The following IMPA2 variants were observed in gnomAD, a reference collection of about 807,000 sequenced individuals.
IMPA2 encodes inositol monophosphatase 2.
In IMPA2, 32 loss-of-function variants were observed where a neutral mutation model predicts 35.1. The ratio of observed to expected loss-of-function variants is 0.91; its 90% confidence interval spans 0.69 to 1.23. The LOEUF (loss-of-function observed/expected upper bound fraction) is 1.23, where lower values mean the gene tolerates loss of function less well. Ranked by LOEUF, IMPA2 falls within the 50% of genes most tolerant of loss-of-function variation. IMPA2 has a pLI of 0.00. For synonymous variants in IMPA2, 135 were observed against 160.6 expected (o/e 0.84, Z 1.20); for missense variants, 334 against 387.6 (o/e 0.86, Z 1.16).
Position 11,999,187 on chromosome 18 carries a change from G to A in IMPA2, c.230G>A (p.Arg77Lys), listed in dbSNP as rs199839687. The A allele has an allele frequency of 3.0e-4, 482 of 1,613,124 alleles. 7 individuals carry two copies. The South Asian group carries it at 4.9e-3, about 16-fold the overall frequency. The change falls in exon 2 of 8, where the codon AGG becomes AAG. Residue 77 changes from arginine to lysine, a missense_variant and splice_region_variant. By Grantham distance (26) the Arg-to-Lys change is conservative (BLOSUM62 2). Coordinates refer to ENST00000269159, the MANE Select transcript of IMPA2 (RefSeq NM_014214.3). Reference protein sequence around the residue: ...SELRERFPSHRFIAEEAAASG... With the variant: ...SELRERFPSHKFIAEEAAASG... ...TTGCGAGAGAGGTTTCCTTCACACA[G>A]GTAGGTGTACTCCTCTGGGAAACAC...
intron 5 of IMPA2, among the ~76,000 whole-genome samples, chr18:12,022,499 C>G: frequency 8.1e-6 from 1 of 123,888 alleles, no homozygotes; most frequent in South Asian, 2.7e-4. Context: ...CTCCAGCCTG[C>G]TGACAGAATG....
At chr18:12,002,375 A>G (rs1236129891) in intron 2 of IMPA2, among the ~76,000 whole-genome samples, 3 of 152,214 alleles carry the variant, frequency 2.0e-5, no homozygotes, top group Admixed American at 6.5e-5. Flanking sequence ...AACCTGATAC[A>G]GGCTCCCCAG....
At chr18:12,004,905 C>T (rs1008800204) in intron 2 of IMPA2, among the ~76,000 whole-genome samples, 2 of 152,172 alleles carry the variant, frequency 1.3e-5, no homozygotes, top group Non-Finnish European at 2.9e-5. Context: ...ACAGTCATGT[C>T]TGCAGAGCAG....
At chr18:12,020,662 A>T (rs974248447) in intron 5 of IMPA2, among the ~76,000 whole-genome samples, 11 of 149,558 alleles carry the variant, frequency 7.4e-5, no homozygotes, top group African/African-American at 2.3e-4. Flanking sequence ...TATCTTATTT[A>T]AAAAAGTTTC....
chr18:12,030,265 T>C (rs1188093021), intron 7 of IMPA2, 78 bp from the exon 8 acceptor site: 3 of 1,027,678 alleles, frequency 2.9e-6, no homozygotes, highest in Admixed American at 1.9e-5. Context: ...GCTGTGTGCA[T>C]GTGGGATAAG....
chr18:11,984,470 T>G (rs1365782231), intron 1 of IMPA2, among the ~76,000 whole-genome samples: 1 of 152,242 alleles, frequency 6.6e-6, no homozygotes, highest in African/African-American at 2.4e-5. Flanking sequence ...AGCTCTGCCT[T>G]TCAAATCCCC....
intron 2 of IMPA2, among the ~76,000 whole-genome samples, chr18:12,004,133 G>A (rs1907190543): frequency 6.6e-6 from 1 of 152,216 alleles, no homozygotes; most frequent in Non-Finnish European, 1.5e-5. Flanking sequence ...ACCACCAGCT[G>A]AACATTGACA....
chr18:11,998,154 G>C (rs1907012330), intron 1 of IMPA2, among the ~76,000 whole-genome samples: 1 of 152,176 alleles, frequency 6.6e-6, no homozygotes, highest in Non-Finnish European at 1.5e-5. Context: ...GTGACAGAGA[G>C]ACCCAGTCTG....
chr18:12,012,295 G>A (rs759954966), intron 4 of IMPA2, 80 bp downstream of exon 4: 1 of 1,231,506 alleles, frequency 8.1e-7, no homozygotes, highest in Non-Finnish European at 1.2e-6. Flanking sequence ...CAGCCTCTGT[G>A]CGCCTGGTTT....
At chr18:12,016,720 A>G (rs1373916256) in intron 5 of IMPA2, among the ~76,000 whole-genome samples, 1 of 152,128 alleles carries the variant, frequency 6.6e-6, no homozygotes, top group Non-Finnish European at 1.5e-5. Context: ...CACCTGGCCG[A>G]TTCTGCCACT....
chr18:11,986,658 G>A (rs967115348), intron 1 of IMPA2, among the ~76,000 whole-genome samples: 3 of 152,242 alleles, frequency 2.0e-5, no homozygotes, highest in South Asian at 2.1e-4. Context: ...AATGAGTGAC[G>A]TAACACTGAA....
chr18:11,995,662 G>C (rs633140), intron 1 of IMPA2, among the ~76,000 whole-genome samples: 1 of 152,162 alleles, frequency 6.6e-6, no homozygotes, highest in South Asian at 2.1e-4. Context: ...TGGCTGTGCC[G>C]GGAGAGTGGG....
At chr18:11,990,320 G>C (rs1255919223) in intron 1 of IMPA2, among the ~76,000 whole-genome samples, 3 of 151,946 alleles carry the variant, frequency 2.0e-5, no homozygotes, top group Non-Finnish European at 4.4e-5. Context: ...GATGTGGACA[G>C]CTTCCTGGAA....
At chr18:12,000,450 C>A (rs1211954966) in intron 2 of IMPA2, among the ~76,000 whole-genome samples, 1 of 147,970 alleles carries the variant, frequency 6.8e-6, no homozygotes, top group Admixed American at 6.8e-5. Flanking sequence ...TAGGTTATCT[C>A]AAGGTTACCA....
At chr18:11,986,640 G>A (rs1055657740) in intron 1 of IMPA2, among the ~76,000 whole-genome samples, 10 of 152,160 alleles carry the variant, frequency 6.6e-5, no homozygotes, top group African/African-American at 2.2e-4. Context: ...TATTCACACC[G>A]GGAATTTAAT....
At chr18:12,020,311 A>T (rs1347295980) in intron 5 of IMPA2, among the ~76,000 whole-genome samples, 1 of 152,022 alleles carries the variant, frequency 6.6e-6, no homozygotes, top group East Asian at 1.9e-4. Flanking sequence ...CTCCTGCTTC[A>T]GCCTCCCAAG....
intron 2 of IMPA2, among the ~76,000 whole-genome samples, chr18:12,007,724 TTCTC>T (rs145382692): frequency 0.077 from 11,350 of 147,022 alleles, 676 homozygotes; most frequent in Admixed American, 0.17. Context: ...CCTTCTTTAT[TTCTC>T]TCTCTCTCCT....
At chr18:12,027,566 G>GTTTTTT (rs1907914840) in intron 5 of IMPA2, among the ~76,000 whole-genome samples, 1 of 48,744 alleles carries the variant, frequency 2.1e-5, no homozygotes. Context: ...GAATGATGGT[G>GTTTTTT]ATTTTTTTTT....
Position 11,991,627 on chromosome 18 carries a change from A to G in IMPA2, c.97-7427A>G, listed in dbSNP as rs1906815314. 6.6e-6 allele frequency among the ~76,000 whole-genome samples: 1 copy of G among 151,996 alleles called. No homozygotes were observed. The highest frequency in any genetic ancestry group is 2.4e-5 in the African/African-American group (1 of 41,362). The stretch of plus-strand genomic sequence containing the variant: ...GGCTGGCAGCTGGAGACGCGGAGAG[A>G]CAGCTGATGTTCCAGTTTGAAGGCC... On this transcript the variant is annotated intron_variant, in intron 1 of 7. Coordinates refer to ENST00000269159, the MANE Select transcript of IMPA2 (RefSeq NM_014214.3). The surrounding 1 kb of genome is among the most constrained non-coding windows in gnomAD (Gnocchi z 4.1).
Sources: gnomAD v4.1 joint callset for allele counts (sites outside exome capture counted in the v4.1 genomes callset) on GRCh38, gnomAD v4.1.1 for gene constraint, Gnocchi (gnomAD v3.1) non-coding constraint, MANE v1.5 for transcripts, NCBI Gene and HGNC (gene_info 2026-07-23, HGNC 2026-07-21) for gene names.